DSE: variants seen among roughly 807,000 people sequenced by gnomAD.
DSE encodes dermatan sulfate epimerase.
Under a neutral mutation model 84.4 loss-of-function variants are expected in DSE, and 36 were observed. That is an observed-to-expected ratio of 0.43 (90% CI 0.33 to 0.56). DSE has a LOEUF of 0.56. Among genes scored for constraint, DSE ranks in the 20% least tolerant of loss-of-function variants. The pLI is 0.06. For missense variants in DSE, 862 were observed against 1,169.6 expected, an observed-to-expected ratio of 0.74 and a Z score of 3.84; for synonymous variants, 410 against 430.1, an observed-to-expected ratio of 0.95 and a Z score of 0.58.
intron 2 of DSE, among the ~76,000 whole-genome samples, chr6:116,332,273 T>C (rs1776996239): frequency 6.6e-6 from 1 of 152,168 alleles, no homozygotes; most frequent in Non-Finnish European, 1.5e-5. Context: ...TGAATACTTG[T>C]ACTACATTTA....
intron 2 of DSE, among the ~76,000 whole-genome samples, chr6:116,309,314 A>T (rs1240034004): frequency 3.3e-5 from 1 of 30,656 alleles, no homozygotes; most frequent in Non-Finnish European, 1.4e-4. Flanking sequence ...TTTGGAATAC[A>T]CATACATACA....
Position 116,436,564 on chromosome 6 carries a change from G to T in DSE, c.2096G>T (p.Trp699Leu). The T allele has an allele frequency of 6.2e-7, 1 of 1,614,146 alleles. No individual in the cohort carries two copies. The highest frequency in any genetic ancestry group is 8.5e-7 in the Non-Finnish European group (1 of 1,180,024). The change falls in exon 6 of 6, where the codon TGG (tryptophan) becomes TTG (leucine). Residue 699 changes from tryptophan (W) to leucine (L), a missense_variant. Trp to Leu is a moderately conservative substitution (Grantham distance 61, BLOSUM62 -2). Coordinates refer to ENST00000644252, the MANE Select transcript of DSE (RefSeq NM_013352.4). The part of the protein sequence containing the change: ...TSKHAYATYL[W>L]TGEATGQSAF... ...AAACATGCCTACGCCACATACCTGT[G>T]GACAGGTGAGGCCACAGGACAGTCT...
intron 2 of DSE, among the ~76,000 whole-genome samples, chr6:116,308,940 C>T (rs148779122): frequency 2.4e-4 from 37 of 152,122 alleles, no homozygotes; most frequent in African/African-American, 4.8e-4. Flanking sequence ...TATGAGTTAC[C>T]GTGCCTTGAG....
At chr6:116,399,175 T>A (rs1781432643) in intron 1 of DSE, 23 bp from the exon 2 acceptor site, 2 of 1,594,546 alleles carry the variant, frequency 1.3e-6, no homozygotes, top group African/African-American at 2.7e-5. Context: ...ACAGACACTT[T>A]TTTTCCTTTT....
intron 2 of DSE, among the ~76,000 whole-genome samples, chr6:116,316,823 C>T (rs7452237): frequency 0.02 from 1,738 of 88,288 alleles, 70 homozygotes; most frequent in East Asian, 0.13. Context: ...ACTACTACTA[C>T]TACTATTATT....
intron 2 of DSE, among the ~76,000 whole-genome samples, chr6:116,322,788 T>C (rs144504374): frequency 6.6e-6 from 1 of 152,330 alleles, no homozygotes; most frequent in African/African-American, 2.4e-5. Flanking sequence ...TAAATGACTC[T>C]CAACCAAGAT....
At chr6:116,268,832 G>T (rs958508174) in intron 2 of DSE, among the ~76,000 whole-genome samples, 1 of 152,086 alleles carries the variant, frequency 6.6e-6, no homozygotes, top group African/African-American at 2.4e-5. Context: ...AGCTGATATA[G>T]ATCAGCTTGG....
intron 1 of DSE, among the ~76,000 whole-genome samples, chr6:116,394,482 C>G (rs999988806): frequency 2.0e-5 from 3 of 151,772 alleles, no homozygotes; most frequent in African/African-American, 4.8e-5. Flanking sequence ...GTCACCCAGG[C>G]TAGAGTGCAG....
intron 2 of DSE, among the ~76,000 whole-genome samples, chr6:116,403,414 T>G (rs1271421871): frequency 1.3e-5 from 2 of 151,356 alleles, no homozygotes; most frequent in African/African-American, 4.8e-5. Flanking sequence ...TTAATAAATT[T>G]TATTAAATTA....
Position 116,399,271 on chromosome 6 carries a change from G to C in DSE, c.21G>C (p.Gly7=), listed in dbSNP as rs748439156. The change falls in exon 2 of 6, where the codon GGG becomes GGC. Residue 7 remains glycine, a synonymous_variant. Transcript: ENST00000644252. The stretch of plus-strand genomic sequence containing the variant: ...CCACGATGAGGACTCACACACGGGG[G>C]GCTCCCAGTGTGTTTTTCATATATT... MRTHTR[G]APSVFFIYLL... The C allele has an allele frequency of 6.2e-7, 1 of 1,613,894 alleles. No homozygotes were observed. The highest frequency in any genetic ancestry group is 8.5e-7 in the Non-Finnish European group (1 of 1,180,022).
At chr6:116,254,946 A>C (rs2114581811) in intron 1 of DSE, 1 of 152,444 alleles carries the variant, frequency 6.6e-6, no homozygotes, top group African/African-American at 2.4e-5. Flanking sequence ...GCAGCACAGG[A>C]GCAATAATCA....
At chr6:116,324,936 G>A (rs1776534641) in intron 2 of DSE, among the ~76,000 whole-genome samples, 1 of 152,130 alleles carries the variant, frequency 6.6e-6, no homozygotes, top group Non-Finnish European at 1.5e-5. Context: ...TGTACTATGA[G>A]GCACTGATAA....
At chr6:116,384,122 A>G (rs1780429044) in intron 1 of DSE, among the ~76,000 whole-genome samples, 1 of 152,250 alleles carries the variant, frequency 6.6e-6, no homozygotes, top group Admixed American at 6.5e-5. Context: ...ATGTGATTAG[A>G]CATGGGGACA....
chr6:116,280,746 G>C (rs1773476100), intron 2 of DSE, among the ~76,000 whole-genome samples: 1 of 152,186 alleles, frequency 6.6e-6, no homozygotes, highest in Admixed American at 6.5e-5. Flanking sequence ...AACTGGTGCT[G>C]TCTTAGAGAG....
intron 2 of DSE, among the ~76,000 whole-genome samples, chr6:116,337,072 C>T (rs1309798522): frequency 6.6e-6 from 1 of 152,102 alleles, no homozygotes; most frequent in Non-Finnish European, 1.5e-5. Context: ...GCTGTAAGTA[C>T]ATTTTACTAT....
chr6:116,321,244 G>A (rs548515356), intron 2 of DSE, among the ~76,000 whole-genome samples: 5 of 1,078 alleles, frequency 4.6e-3, no homozygotes, highest in Non-Finnish European at 2.5e-3. Context: ...TGTAAGCATA[G>A]CTCACTGCAG....
chr6:116,259,096 G>A, intron 2 of DSE: 2 of 1,535,756 alleles, frequency 1.3e-6, no homozygotes, highest in African/African-American at 1.4e-5. Flanking sequence ...TGCTGGTGCT[G>A]CTGTCTCCCA....
chr6:116,305,764 A>G (rs1674374419), intron 2 of DSE, among the ~76,000 whole-genome samples: 1 of 152,104 alleles, frequency 6.6e-6, no homozygotes, highest in Non-Finnish European at 1.5e-5. Flanking sequence ...TAGCCCCCTG[A>G]GTAGCTGGGA....
chr6:116,431,172 A>T lies in DSE; in HGVS notation c.889A>T (p.Met297Leu). The T allele has an allele frequency of 6.2e-7, 1 of 1,614,228 alleles. No homozygotes were observed. Among genetic ancestry groups the T allele is most frequent in the Non-Finnish European group, 8.5e-7 (1 of 1,180,024 alleles). ...HPWLKQHFAFMYRTILPGFQR... is the reference protein window; with the variant it reads ...HPWLKQHFAFLYRTILPGFQR... ...GTGGCTTAAACAACACTTTGCATTT[A>T]TGTATAGAACCATCCTGCCAGGTAT... Residue 297 changes from methionine (M) to leucine (L), a missense_variant, in exon 4 of 6, where the codon ATG becomes TTG. Transcript: ENST00000644252.
Sources: gnomAD v4.1 joint callset for allele counts (sites outside exome capture counted in the v4.1 genomes callset) on GRCh38, gnomAD v4.1.1 for gene constraint, MANE v1.5 for transcripts, NCBI Gene and HGNC (gene_info 2026-07-23, HGNC 2026-07-21) for gene names.